Variants in CENPP observed in about 807,000 individuals in gnomAD.
CENPP encodes centromere protein P.
In CENPP, 24 loss-of-function variants were observed where a neutral mutation model predicts 35.6. That is an observed-to-expected ratio of 0.67 (90% CI 0.49 to 0.95). The LOEUF (loss-of-function observed/expected upper bound fraction) is 0.95, where lower values mean the gene tolerates loss of function less well. Ranked by LOEUF, CENPP falls within the 40% of genes least tolerant of loss-of-function variation. CENPP has a pLI of 0.00. For missense variants in CENPP, 332 were observed against 345.3 expected, an observed-to-expected ratio of 0.96 and a Z score of 0.31; for synonymous variants, 120 against 125.5, an observed-to-expected ratio of 0.96 and a Z score of 0.29.
chr9:92,570,559 C>T (rs1850110460), intron 5 of CENPP, among the ~76,000 whole-genome samples: 1 of 152,108 alleles, frequency 6.6e-6, no homozygotes, highest in South Asian at 2.1e-4. Flanking sequence ...GGTGTCTCCA[C>T]CAGGCTTTGG....
intron 5 of CENPP, among the ~76,000 whole-genome samples, chr9:92,383,363 T>C (rs1219182929): frequency 6.6e-6 from 1 of 152,198 alleles, no homozygotes; most frequent in African/African-American, 2.4e-5. Flanking sequence ...GGCAACTGTG[T>C]TCAGTCTGCA....
At chr9:92,540,760 G>A (rs1345412423) in intron 5 of CENPP, among the ~76,000 whole-genome samples, 3 of 139,188 alleles carry the variant, frequency 2.2e-5, no homozygotes, top group East Asian at 2.0e-4. Context: ...AACAGAGCAC[G>A]ACTCTGTCTC....
chr9:92,377,378 T>C (rs554341763), intron 4 of CENPP, among the ~76,000 whole-genome samples: 1 of 152,294 alleles, frequency 6.6e-6, no homozygotes, highest in South Asian at 2.1e-4. Flanking sequence ...TCTCTTTTAC[T>C]TGGGAACCAA....
intron 5 of CENPP, among the ~76,000 whole-genome samples, chr9:92,505,953 G>C (rs1420680721): frequency 6.6e-6 from 1 of 152,166 alleles, no homozygotes; most frequent in East Asian, 1.9e-4. Context: ...AACAATATGT[G>C]TAAGGAACAG....
At chr9:92,507,094 C>A (rs916638453) in intron 5 of CENPP, among the ~76,000 whole-genome samples, 10 of 151,958 alleles carry the variant, frequency 6.6e-5, no homozygotes, top group African/African-American at 2.4e-4. Flanking sequence ...GGCCTTTGCA[C>A]CCTGGACAAC....
intron 5 of CENPP, among the ~76,000 whole-genome samples, chr9:92,418,075 T>C (rs538222089): frequency 6.6e-6 from 1 of 150,570 alleles, no homozygotes; most frequent in South Asian, 2.1e-4. Flanking sequence ...GTTTTTTTTC[T>C]TTTTTCTTTT....
chr9:92,555,425 C>T (rs1359734940), intron 5 of CENPP, among the ~76,000 whole-genome samples: 1 of 151,600 alleles, frequency 6.6e-6, no homozygotes, highest in African/African-American at 2.4e-5. Flanking sequence ...AACGGGATTT[C>T]ACCATGTTAG....
chr9:92,539,466 C>T (rs1361990115), intron 5 of CENPP, among the ~76,000 whole-genome samples: 2 of 151,324 alleles, frequency 1.3e-5, no homozygotes, highest in African/African-American at 4.9e-5. Flanking sequence ...AGTAAGGGCT[C>T]AGCTTAATTA....
Position 92,618,866 on chromosome 9 carries a change from C to A in CENPP, c.*5717C>A. The A allele has an allele frequency of 2.9e-6, 1 of 343,538 alleles. No individual in the cohort carries two copies. Among genetic ancestry groups the A allele is most frequent in the Non-Finnish European group, 5.7e-6 (1 of 174,694 alleles). The allele number at this position is 343,538 out of a possible 1,614,324, so 21.3% of individuals were successfully genotyped here. On this transcript the variant is annotated 3_prime_UTR_variant, in exon 8 of 8. Transcript: ENST00000375587. ...CATGTTAGAAGAATGTGGAACATTC[C>A]GCAAATACTGGGTGCAGGGTTTAGC...
chr9:92,404,567 G>T, intron 5 of CENPP: 1 of 1,295,440 alleles, frequency 7.7e-7, no homozygotes, highest in African/African-American at 1.5e-5. Flanking sequence ...AGCCCCAAGT[G>T]GGAGGGTGAA....
At chr9:92,596,445 CAAAAAAAAA>C (rs60383394) in intron 5 of CENPP, among the ~76,000 whole-genome samples, 18 of 72,012 alleles carry the variant, frequency 2.5e-4, no homozygotes, top group African/African-American at 6.3e-4. Context: ...GACCCTGTGT[CAAAAAAAAA>C]AAAAAAAAAA....
intron 5 of CENPP, among the ~76,000 whole-genome samples, chr9:92,463,319 A>C (rs1845185391): frequency 6.6e-6 from 1 of 152,218 alleles, no homozygotes; most frequent in Non-Finnish European, 1.5e-5. Flanking sequence ...CCATGCAGGC[A>C]GTCAGCTTTC....
At chr9:92,387,748 A>G (rs1842493632) in intron 5 of CENPP, among the ~76,000 whole-genome samples, 1 of 152,000 alleles carries the variant, frequency 6.6e-6, no homozygotes. Flanking sequence ...ACTATAGGGC[A>G]GCTGAATTTA....
chr9:92,554,858 G>A (rs1437329423), intron 5 of CENPP, among the ~76,000 whole-genome samples: 11 of 151,674 alleles, frequency 7.3e-5, no homozygotes, highest in South Asian at 2.1e-4. Context: ...GGCTGGTCTC[G>A]AACTCCTGAC....
In CENPP at chr9:92,389,753, A is replaced by T. The variant is rs149872561; in HGVS notation, c.564+9894A>T. On this transcript the variant is annotated intron_variant, in intron 5 of 7. Coordinates refer to ENST00000375587, the MANE Select transcript of CENPP (RefSeq NM_001012267.3). ...ATGTCTTCATTTATTAAATCAAAATAGTTTTTAAGTGTAATCAAAATACAA... is the reference window on the plus strand; with the variant it reads ...ATGTCTTCATTTATTAAATCAAAATTGTTTTTAAGTGTAATCAAAATACAA... 1.8e-4 allele frequency: 126 copies of T among 714,342 alleles called. 1 individual carries two copies. In the Middle Eastern group the frequency reaches 2.0e-3, roughly 11 times the overall value. 44.3% of individuals were successfully genotyped at this position (714,342 alleles called of 1,614,324 possible). A position where few individuals can be genotyped will look rare whatever the true frequency, so the allele number is the denominator to read the frequency against.
At chr9:92,609,098 A>G (rs1260522732) in intron 5 of CENPP, among the ~76,000 whole-genome samples, 1 of 152,250 alleles carries the variant, frequency 6.6e-6, no homozygotes, top group African/African-American at 2.4e-5. Context: ...TTAAAAATCA[A>G]CCAACACTTT....
At chr9:92,462,133 A>G (rs1482627362) in intron 5 of CENPP, among the ~76,000 whole-genome samples, 1 of 152,120 alleles carries the variant, frequency 6.6e-6, no homozygotes, top group Non-Finnish European at 1.5e-5. Context: ...GTGCACCACC[A>G]TGCCCAGCTA....
At chr9:92,412,302 G>A (rs989488607) in intron 5 of CENPP, among the ~76,000 whole-genome samples, 2 of 152,060 alleles carry the variant, frequency 1.3e-5, no homozygotes, top group East Asian at 1.9e-4. Flanking sequence ...GCCTAGGCCA[G>A]TCTTGAACTT....
At chr9:92,404,444 A>T in intron 5 of CENPP, 1 of 1,131,982 alleles carries the variant, frequency 8.8e-7, no homozygotes, top group Non-Finnish European at 1.2e-6. Flanking sequence ...TAGATGAGTC[A>T]GTCGCACTTT....
Sources: gnomAD v4.1 joint callset for allele counts (sites outside exome capture counted in the v4.1 genomes callset) on GRCh38, gnomAD v4.1.1 for gene constraint, MANE v1.5 for transcripts, NCBI Gene and HGNC (gene_info 2026-07-23, HGNC 2026-07-21) for gene names.